Variants in SNRK observed in about 807,000 individuals in gnomAD.
SNRK encodes SNF related kinase.
A neutral mutation model predicts 48.2 loss-of-function variants in SNRK; 3 were observed. The ratio of observed to expected loss-of-function variants is 0.06; its 90% CI spans 0.03 to 0.16. The LOEUF is 0.16. SNRK is among the 10% of genes least tolerant of loss of function. The probability of loss-of-function intolerance (pLI) is 1.00; values close to 1 mark genes in which losing one functional copy is unlikely to be tolerated. For missense variants in SNRK, 627 were observed against 976.0 expected, an observed-to-expected ratio of 0.64 and a Z score of 4.76; for synonymous variants, 376 against 366.1, an observed-to-expected ratio of 1.03 and a Z score of -0.31.
chr3:43,319,251 G>A (rs1029363707), intron 3 of SNRK, among the ~76,000 whole-genome samples: 3 of 152,100 alleles, frequency 2.0e-5, no homozygotes, highest in African/African-American at 7.2e-5. Context: ...CTAGTGTAGT[G>A]TAAACAGTGC....
In SNRK at chr3:43,346,687, G is replaced by A. The variant is rs368801899; in HGVS notation, c.1080-652G>A. Among the ~76,000 whole-genome samples the A allele has an allele frequency of 5.9e-5, 9 of 152,292 alleles. No individual in the cohort carries two copies. In the East Asian group the frequency reaches 1.5e-3, roughly 26 times the overall value. On this transcript the variant is annotated intron_variant, in intron 6 of 6. Transcript: ENST00000296088. The stretch of plus-strand genomic sequence containing the variant: ...TATCCCAGGGGGTCAAGGCTGTAGT[G>A]AGCTGCATTCATGCCCTTGCACTCC...
At chr3:43,304,402 G>C (rs1559460906) in intron 3 of SNRK, among the ~76,000 whole-genome samples, 1 of 152,118 alleles carries the variant, frequency 6.6e-6, no homozygotes, top group African/African-American at 2.4e-5. Flanking sequence ...ACATACAGAG[G>C]CTTTCTGTAT....
chr3:43,290,979 A>G (rs2090807529), intron 1 of SNRK, among the ~76,000 whole-genome samples: 1 of 152,180 alleles, frequency 6.6e-6, no homozygotes. Flanking sequence ...AAGGGTCATA[A>G]TGGCAAAGGA....
At chr3:43,326,342 T>C (rs2091096408) in intron 3 of SNRK, among the ~76,000 whole-genome samples, 2 of 151,982 alleles carry the variant, frequency 1.3e-5, no homozygotes, top group South Asian at 4.1e-4. Flanking sequence ...AACTCTGCTT[T>C]AGCTGTCTTT....
Position 43,298,522 on chromosome 3 carries a change from C to T in SNRK, c.-168-1232C>T, listed in dbSNP as rs563110833. 2.6e-5 allele frequency among the ~76,000 whole-genome samples: 4 copies of T among 152,314 alleles called. No homozygotes were observed. In the South Asian group the frequency reaches 6.2e-4, roughly 24 times the overall value. On this transcript the variant is annotated intron_variant, in intron 1 of 6. Coordinates refer to ENST00000296088, the MANE Select transcript of SNRK (RefSeq NM_017719.5). ...ACATTCCCTCATTCCTGGCAGGACACTTGCTTTCATATCCAGAGGTCAACC... is the reference window on the plus strand; with the variant it reads ...ACATTCCCTCATTCCTGGCAGGACATTTGCTTTCATATCCAGAGGTCAACC...
rs569432019 is a variant in SNRK at position 43,303,529 on chromosome 3, A to T, written c.326A>T (p.Glu109Val). The part of the protein sequence containing the change: ...DMFDYIMKHE[E>V]GLNEDLAKKY... ...TTTGATTATATAATGAAACATGAGG[A>T]GGGTCTTAATGAAGACTTGGCCAAG... The change falls in exon 3 of 7, where the codon GAG (glutamate) becomes GTG (valine). Residue 109 changes from glutamate to valine, a missense_variant. This residue lies in a region of SNRK where 147 missense variants were observed against 356.8 expected (regional missense o/e 0.41). Coordinates refer to ENST00000296088, the MANE Select transcript of SNRK (RefSeq NM_017719.5). The surrounding 1 kb of genome is among the most constrained non-coding windows in gnomAD (Gnocchi z 6.2). 1 of 1,614,156 alleles carries T rather than the reference A, an allele frequency of 6.2e-7. No homozygotes were observed. Among genetic ancestry groups the T allele is most frequent in the Non-Finnish European group, 8.5e-7 (1 of 1,180,016 alleles).
intron 4 of SNRK, chr3:43,332,910 T>G (rs192926529): frequency 6.6e-6 from 1 of 152,178 alleles, no homozygotes; most frequent in Non-Finnish European, 1.5e-5. Context: ...GTGAGAAATA[T>G]AGTAATGGAA....
chr3:43,326,987 A>G (rs1000095619), intron 3 of SNRK, among the ~76,000 whole-genome samples: 68 of 152,346 alleles, frequency 4.5e-4, no homozygotes, highest in African/African-American at 1.4e-3. Flanking sequence ...ATAGATCTAA[A>G]AAACTTGTCC....
chr3:43,300,903 G>A (rs2125618497), intron 2 of SNRK, among the ~76,000 whole-genome samples: 1 of 152,366 alleles, frequency 6.6e-6, no homozygotes, highest in South Asian at 2.1e-4. Flanking sequence ...ACACAGCGTA[G>A]CATAGTGTTT....
chr3:43,326,767 T>C (rs2091099909), intron 3 of SNRK, among the ~76,000 whole-genome samples: 2 of 152,094 alleles, frequency 1.3e-5, no homozygotes, highest in Admixed American at 1.3e-4. Context: ...GGGAAAAAAA[T>C]GATAAGCTTA....
intron 6 of SNRK, among the ~76,000 whole-genome samples, chr3:43,344,015 G>C (rs572164578): frequency 6.6e-6 from 1 of 152,178 alleles, no homozygotes; most frequent in African/African-American, 2.4e-5. Flanking sequence ...TTAGCTACCC[G>C]ATCTGTAAAA....
rs1233242718 is a variant in SNRK at position 43,303,756 on chromosome 3, A to G, written c.553A>G (p.Ile185Val). ...CGSLAYSAPE[I>V]LLGDEYDAPA... ...ATCTCTTGCATATTCCGCTCCAGAA[A>G]TTCTGCTTGGTGATGAGTATGATGC... The change falls in exon 3 of 7, where the codon ATT becomes GTT. Residue 185 changes from isoleucine to valine, a missense_variant. Ile to Val is a conservative substitution (Grantham distance 29). Transcript: ENST00000296088. The surrounding 1 kb of genome is among the most constrained non-coding windows in gnomAD (Gnocchi z 6.2). 6.2e-7 allele frequency: 1 copy of G among 1,613,732 alleles called. No individual in the cohort carries two copies.
Position 43,348,403 on chromosome 3 carries a change from C to G in SNRK, c.2144C>G (p.Thr715Ser), listed in dbSNP as rs756760223. 13 of 1,611,424 alleles carry G rather than the reference C, an allele frequency of 8.1e-6. No individual in the cohort carries two copies. The highest frequency in any genetic ancestry group is 5.1e-6 in the Non-Finnish European group (6 of 1,178,868). Residue 715 changes from threonine to serine, a missense_variant, in exon 7 of 7, where the codon ACC becomes AGC. Thr to Ser is a moderately conservative substitution (Grantham distance 58). Coordinates refer to ENST00000296088, the MANE Select transcript of SNRK (RefSeq NM_017719.5). ...TTCTCTGACCACATGGCAGATACCACCACTGAATTGGAACGGATAAAGAGC... is the reference window on the plus strand; with the variant it reads ...TTCTCTGACCACATGGCAGATACCAGCACTGAATTGGAACGGATAAAGAGC... Reference protein sequence around the residue: ...KFFSDHMADTTTELERIKSKN... With the variant: ...KFFSDHMADTSTELERIKSKN...
intron 4 of SNRK, among the ~76,000 whole-genome samples, chr3:43,336,735 A>ATTTT (rs2091191948): frequency 2.4e-5 from 2 of 84,746 alleles, no homozygotes; most frequent in Non-Finnish European, 4.7e-5. Flanking sequence ...ACAGATACAC[A>ATTTT]TTTTTGTTTG....
At chr3:43,336,044 T>G (rs183293011) in intron 4 of SNRK, among the ~76,000 whole-genome samples, 130 of 152,312 alleles carry the variant, frequency 8.5e-4, no homozygotes, top group African/African-American at 3.1e-3. Context: ...CCATTTACAT[T>G]TATTGTAGTC....
chr3:43,286,709 CGGCCGTAGGCAGGGGTGCGG>C (rs2090766065), intron 1 of SNRK, 34 bp downstream of exon 1: 1 of 148,742 alleles, frequency 6.7e-6, no homozygotes, highest in African/African-American at 2.4e-5. Context: ...CGGGGCGCGG[CGGCCGTAGGCAGGGGTGCGG>C]GGCCGGCCTC....
At chr3:43,343,026 C>T (rs147773021) in intron 5 of SNRK, among the ~76,000 whole-genome samples, 52 of 134,394 alleles carry the variant, frequency 3.9e-4, no homozygotes, top group African/African-American at 1.4e-3. Flanking sequence ...CACACAAATT[C>T]AAATTTTGAA....
At chr3:43,324,529 A>G (rs1379559224) in intron 3 of SNRK, among the ~76,000 whole-genome samples, 1 of 151,592 alleles carries the variant, frequency 6.6e-6, no homozygotes, top group Non-Finnish European at 1.5e-5. Context: ...AAAAAAAAGA[A>G]TAAATCTTAC....
chr3:43,336,895 G>A (rs576390572), intron 4 of SNRK, among the ~76,000 whole-genome samples: 4 of 152,200 alleles, frequency 2.6e-5, no homozygotes, highest in African/African-American at 9.6e-5. Flanking sequence ...TGAGACTACA[G>A]GCGCCCGCCA....
Sources: allele counts gnomAD v4.1 joint callset (sites outside exome capture counted in the v4.1 genomes callset), GRCh38; gene constraint gnomAD v4.1.1; regional missense constraint gnomAD v4.1.1; non-coding constraint Gnocchi (gnomAD v3.1); transcripts MANE v1.5; gene names NCBI Gene and HGNC (gene_info 2026-07-23, HGNC 2026-07-21).